The following CENPP variants were observed in gnomAD, a reference collection of about 807,000 sequenced individuals.
CENPP encodes centromere protein P.
Under a neutral mutation model 35.6 loss-of-function variants are expected in CENPP, and 24 were observed. That is an observed-to-expected ratio of 0.67 (90% CI 0.49 to 0.95). The LOEUF is 0.95. Ranked by LOEUF, CENPP falls within the 40% of genes least tolerant of loss-of-function variation. The probability of loss-of-function intolerance (pLI) is 0.00; values close to 1 mark genes in which losing one functional copy is unlikely to be tolerated. For missense variants in CENPP, 332 were observed against 345.3 expected, an observed-to-expected ratio of 0.96 and a Z score of 0.31; for synonymous variants, 120 against 125.5, an observed-to-expected ratio of 0.96 and a Z score of 0.29.
intron 5 of CENPP, among the ~76,000 whole-genome samples, chr9:92,468,310 T>C (rs568282046): frequency 1.3e-5 from 2 of 152,356 alleles, no homozygotes; most frequent in South Asian, 4.1e-4. Context: ...CTGCCCTGCA[T>C]GGTGAGCTGG....
Position 92,600,455 on chromosome 9 carries a change from C to T in CENPP, c.565-10859C>T, listed in dbSNP as rs776886147. 33 of 1,612,704 alleles carry T rather than the reference C, an allele frequency of 2.0e-5. 1 individual carries two copies. In the Admixed American group the frequency reaches 5.3e-4, roughly 26 times the overall value. ...TCTGTACAAACAAGAAAAGTTGGGT[C>T]AAGGGAGGATGGAGGCTCCCAGCTG... On this transcript the variant is annotated intron_variant, in intron 5 of 7. Transcript: ENST00000375587.
At position 92,379,810 on chromosome 9, in the gene CENPP, T is replaced by A; in HGVS notation, c.515T>A (p.Phe172Tyr). Reference sequence around the variant, plus strand: ...TTCATGTTTTTCCGAAGCCTGCATTTTTTTGTGGAGTGGTTTGAATATCGT... The same window carrying A: ...TTCATGTTTTTCCGAAGCCTGCATTATTTTGTGGAGTGGTTTGAATATCGT... ...DLFMFFRSLH[F>Y]FVEWFEYRKR... The change falls in exon 5 of 8, where the codon TTT (phenylalanine) becomes TAT (tyrosine). Residue 172 changes from phenylalanine (F) to tyrosine (Y), a missense_variant. Coordinates refer to ENST00000375587, the MANE Select transcript of CENPP (RefSeq NM_001012267.3). The A allele has an allele frequency of 6.2e-7, 1 of 1,613,760 alleles. No individual in the cohort carries two copies. The highest frequency in any genetic ancestry group is 8.5e-7 in the Non-Finnish European group (1 of 1,179,732).
intron 5 of CENPP, among the ~76,000 whole-genome samples, chr9:92,590,724 T>C (rs1850644855): frequency 6.6e-6 from 1 of 152,244 alleles, no homozygotes; most frequent in Non-Finnish European, 1.5e-5. Context: ...TGGAAATTAG[T>C]ATGTTTCTTC....
intron 5 of CENPP, chr9:92,457,495 T>G (rs76930379): frequency 0.049 from 78,165 of 1,579,344 alleles, 2,308 homozygotes; most frequent in South Asian, 0.084. Flanking sequence ...TCTGTTGTAG[T>G]AGGAAAAAAG....
intron 5 of CENPP, among the ~76,000 whole-genome samples, chr9:92,494,347 G>T (rs745825514): frequency 4.9e-4 from 75 of 152,262 alleles, no homozygotes; most frequent in Middle Eastern, 3.4e-3. Context: ...GTTGCACAAG[G>T]GTTGTTAAAT....
intron 5 of CENPP, among the ~76,000 whole-genome samples, chr9:92,399,931 A>G (rs1478439242): frequency 1.3e-5 from 2 of 152,164 alleles, no homozygotes; most frequent in Non-Finnish European, 2.9e-5. Flanking sequence ...TGTGTAGTAC[A>G]TCTGATTCCT....
chr9:92,408,605 C>T (rs1843368846), intron 5 of CENPP, among the ~76,000 whole-genome samples: 1 of 152,160 alleles, frequency 6.6e-6, no homozygotes, highest in Non-Finnish European at 1.5e-5. Flanking sequence ...TACAGAGTTC[C>T]TCAGCCTCTG....
At chr9:92,510,126 C>A in intron 5 of CENPP, 1 of 1,411,192 alleles carries the variant, frequency 7.1e-7, no homozygotes, top group Non-Finnish European at 9.5e-7. Flanking sequence ...GTCTCACAAA[C>A]CTATCCTTCC....
intron 4 of CENPP, among the ~76,000 whole-genome samples, chr9:92,356,285 A>G (rs2130823859): frequency 6.6e-6 from 1 of 152,300 alleles, no homozygotes; most frequent in East Asian, 1.9e-4. Flanking sequence ...TTCCTTCTGG[A>G]AAGGGTGAGA....
intron 1 of CENPP, among the ~76,000 whole-genome samples, chr9:92,328,918 G>A (rs1257684860): frequency 6.6e-6 from 1 of 152,124 alleles, no homozygotes; most frequent in Non-Finnish European, 1.5e-5. Context: ...TTAAACACAT[G>A]CACATTGTTG....
At chr9:92,364,128 G>A (rs1268587437) in intron 4 of CENPP, among the ~76,000 whole-genome samples, 2 of 151,592 alleles carry the variant, frequency 1.3e-5, no homozygotes, top group Non-Finnish European at 2.9e-5. Context: ...GGGATTATAG[G>A]CATGAGCCAC....
intron 5 of CENPP, among the ~76,000 whole-genome samples, chr9:92,604,351 T>G (rs1033620464): frequency 6.6e-6 from 1 of 152,246 alleles, no homozygotes; most frequent in Non-Finnish European, 1.5e-5. Context: ...GTCACTAGTT[T>G]GGTTTAAATC....
At chr9:92,607,797 A>G (rs576777399) in intron 5 of CENPP, among the ~76,000 whole-genome samples, 2 of 152,316 alleles carry the variant, frequency 1.3e-5, no homozygotes, top group Admixed American at 6.5e-5. Context: ...TAAAAATTCT[A>G]TTCCCTTTGG....
rs1564005631 is a variant in CENPP at position 92,567,403 on chromosome 9, T to TATAGATAGATAGATAGATAGATAG, written c.565-43908_565-43907insGATAGATAGATAGATAGATAGATA. Among the ~76,000 whole-genome samples, 4 of 138,668 alleles carry TATAGATAGATAGATAGATAGATAG rather than the reference T, an allele frequency of 2.9e-5. No homozygotes were observed. The East Asian group carries it at 6.2e-4, about 21-fold the overall frequency. The allele number at this position is 138,668 out of a possible 152,430, so 91.0% of individuals were successfully genotyped here. A position where few individuals can be genotyped will look rare whatever the true frequency, so the allele number is the denominator to read the frequency against. ...ATATATATATATATATATAGATATA[T>TATAGATAGATAGATAGATAGATAG]ATATAAAGTGGTTAGTGATTAGATT... On this transcript the variant is annotated intron_variant, in intron 5 of 7. Coordinates refer to ENST00000375587, the MANE Select transcript of CENPP (RefSeq NM_001012267.3).
chr9:92,589,294 C>A (rs1031715335), intron 5 of CENPP, among the ~76,000 whole-genome samples: 1 of 151,376 alleles, frequency 6.6e-6, no homozygotes, highest in African/African-American at 2.4e-5. Flanking sequence ...TGCAGTGAGC[C>A]GAGATTGTGC....
intron 5 of CENPP, among the ~76,000 whole-genome samples, chr9:92,489,450 T>A (rs1455700529): frequency 6.6e-6 from 1 of 152,196 alleles, no homozygotes; most frequent in East Asian, 1.9e-4. Flanking sequence ...ATTCAGCGGT[T>A]ATTTCTAAGG....
chr9:92,364,941 TAAC>T, intron 4 of CENPP, among the ~76,000 whole-genome samples: 1 of 152,308 alleles, frequency 6.6e-6, no homozygotes, highest in Non-Finnish European at 1.5e-5. Flanking sequence ...GTGAATTGTC[TAAC>T]AAACCACTTG....
At chr9:92,496,555 T>C in intron 5 of CENPP, 2 of 1,542,340 alleles carry the variant, frequency 1.3e-6, no homozygotes, top group Non-Finnish European at 1.7e-6. Context: ...AAGTTTAACA[T>C]TTGTTAAAAA....
intron 5 of CENPP, among the ~76,000 whole-genome samples, chr9:92,443,754 G>A (rs144476222): frequency 0.031 from 4,699 of 151,934 alleles, 113 homozygotes; most frequent in South Asian, 0.084. Flanking sequence ...CCACCTCCCT[G>A]GTTCAATCAA....
Sources: gnomAD v4.1 joint callset for allele counts (sites outside exome capture counted in the v4.1 genomes callset) on GRCh38, gnomAD v4.1.1 for gene constraint, MANE v1.5 for transcripts, NCBI Gene and HGNC (gene_info 2026-07-23, HGNC 2026-07-21) for gene names.